NOTCH4: variants seen among roughly 807,000 people sequenced by gnomAD.
The protein encoded by NOTCH4 is notch receptor 4, also known as neurogenic locus notch homolog protein 4.
Under a neutral mutation model 189.0 loss-of-function variants are expected in NOTCH4, and 138 were observed. The ratio of observed to expected loss-of-function variants is 0.73; its 90% confidence interval spans 0.64 to 0.84. The LOEUF (loss-of-function observed/expected upper bound fraction) is 0.84, where lower values mean the gene tolerates loss of function less well. Among genes scored for constraint, NOTCH4 ranks in the 40% least tolerant of loss-of-function variants. The probability of loss-of-function intolerance (pLI) is 0.00; values close to 1 mark genes in which losing one functional copy is unlikely to be tolerated. For synonymous variants in NOTCH4, 942 were observed against 1,032.8 expected (o/e 0.91, Z 1.69); for missense variants, 2,286 against 2,605.4 (o/e 0.88, Z 2.67).
chr6:32,201,833 C>T lies in NOTCH4; in HGVS notation c.3755+243G>A. 2.4e-6 allele frequency: 1 copy of T among 416,530 alleles called. No individual in the cohort carries two copies. Among genetic ancestry groups the T allele is most frequent in the African/African-American group, 2.0e-5 (1 of 49,092 alleles). 25.8% of individuals were successfully genotyped at this position (416,530 alleles called of 1,614,324 possible). ...AAGGCTTAGGGAAGGAGGCTTGAGA[C>T]CTGAGTTCCTTCAACTCTTAGAGAG... is the stretch of plus-strand genomic sequence containing the variant. On this transcript the variant is annotated intron_variant, in intron 21 of 29. Coordinates refer to ENST00000375023, the MANE Select transcript of NOTCH4 (RefSeq NM_004557.4). The surrounding 1 kb of genome is among the most constrained non-coding windows in gnomAD (Gnocchi z 5.5).
chr6:32,195,910 A>G lies in NOTCH4; in HGVS notation c.5539T>C (p.Ser1847Pro), dbSNP rs1211078755. The G allele has an allele frequency of 3.2e-6, 5 of 1,587,230 alleles. No homozygotes were observed. Among genetic ancestry groups the G allele is most frequent in the East Asian group, 2.3e-5 (1 of 44,380 alleles). Residue 1847 changes from serine to proline, a missense_variant, in exon 30 of 30, where the codon TCA becomes CCA. Physicochemically the swap from Ser to Pro is moderately conservative, Grantham distance 74. Around this residue, in one of 2 missense-constraint regions of NOTCH4, gnomAD observed 383 missense variants for 343.5 expected, o/e 1.11. Coordinates refer to ENST00000375023, the MANE Select transcript of NOTCH4 (RefSeq NM_004557.4). This position sits in a 1 kb window ranked among gnomAD's most constrained non-coding sequence, Gnocchi z 5.4. The part of the protein sequence containing the change: ...AGPFPRARTV[S>P]VSVPPHGGGA... ...CCCCCATGCGGGGGCACGCTTACTG[A>G]CACCGTCCGTGCGCGCGGGAAGGGC...
chr6:32,205,404 C>T (rs975333591), intron 18 of NOTCH4, among the ~76,000 whole-genome samples: 7 of 151,036 alleles, frequency 4.6e-5, no homozygotes, highest in Non-Finnish European at 4.4e-5. Context: ...AAAAATTAGC[C>T]GGGCATGGTG....
At chr6:32,206,436 G>A (rs1474617956) in intron 18 of NOTCH4, among the ~76,000 whole-genome samples, 3 of 151,912 alleles carry the variant, frequency 2.0e-5, no homozygotes, top group African/African-American at 7.3e-5. Flanking sequence ...AATCAAGAAA[G>A]CAATCCCATT....
rs762361820 is a variant in NOTCH4, at chr6:32,201,338, T to G, written c.3918A>C (p.Pro1306=). The change falls in exon 22 of 30, where the codon CCA becomes CCC. Residue 1306 remains proline, a synonymous_variant. Transcript: ENST00000375023. This position sits in a 1 kb window ranked among gnomAD's most constrained non-coding sequence, Gnocchi z 5.5. The stretch of plus-strand genomic sequence containing the variant: ...GGGCAAACAGCTGCTGGTCTAGGGC[T>G]GGGGGGCTCAGTACCACCAGCAGGG... ...SLALLVVLSP[P]ALDQQLFALA... 6.2e-7 allele frequency: 1 copy of G among 1,611,474 alleles called. No homozygotes were observed. The highest frequency in any genetic ancestry group is 1.7e-5 in the Admixed American group (1 of 59,846).
chr6:32,223,092 G>C lies in NOTCH4; in HGVS notation c.74-6C>G. The C allele has an allele frequency of 6.2e-7, 1 of 1,612,946 alleles. No individual in the cohort carries two copies. The highest frequency in any genetic ancestry group is 8.5e-7 in the Non-Finnish European group (1 of 1,179,048). On this transcript the variant is annotated splice_region_variant and splice_polypyrimidine_tract_variant and intron_variant, in intron 1 of 29. Coordinates refer to ENST00000375023, the MANE Select transcript of NOTCH4 (RefSeq NM_004557.4). ...GAAACTCCCACACAGCAGCCCTGAG[G>C]GTGGAGAGGCAGGCGCAATGGAAGC...
chr6:32,216,936 C>T lies in NOTCH4; in HGVS notation c.1861+9G>A. The T allele has an allele frequency of 1.9e-6, 3 of 1,613,064 alleles. No homozygotes were observed. Among genetic ancestry groups the T allele is most frequent in the Non-Finnish European group, 2.5e-6 (3 of 1,179,992 alleles). ...TCTGCCAGTTCTTTCCAGTGCCTCC[C>T]CTGTGAACCTGTGAAACCAGAGGGG... On this transcript the variant is annotated intron_variant, in intron 11 of 29. Transcript: ENST00000375023.
At chr6:32,207,054 T>C (rs1428870235) in intron 18 of NOTCH4, among the ~76,000 whole-genome samples, 1 of 151,532 alleles carries the variant, frequency 6.6e-6, no homozygotes, top group Admixed American at 6.6e-5. Flanking sequence ...CTCAGCCTCC[T>C]GAGTAGCTGG....
rs754108388 is a variant in NOTCH4, at chr6:32,196,907, A to C, written c.5200+18T>G. On this transcript the variant is annotated intron_variant, in intron 28 of 29. Transcript: ENST00000375023. Reference sequence around the variant, plus strand: ...GCTCAACTTCTCTATAGCATACATCACCCCTTCCTCTACATACCCCATTTA... The same window carrying C: ...GCTCAACTTCTCTATAGCATACATCCCCCCTTCCTCTACATACCCCATTTA... 1.2e-5 allele frequency: 20 copies of C among 1,611,608 alleles called. No homozygotes were observed. The Admixed American group carries it at 3.3e-4, about 27-fold the overall frequency.
In NOTCH4 at chr6:32,195,731, T is replaced by G; in HGVS notation, c.5718A>C (p.Gly1906=). The part of the protein sequence containing the change: ...HCRSLSGVGA[G]GGPTPRGRRF... ...TACGGCCGCGAGGGGTCGGGCCTCCTCCTGCTCCTACTCCCGAGAGGCTCC... is the reference window on the plus strand; with the variant it reads ...TACGGCCGCGAGGGGTCGGGCCTCCGCCTGCTCCTACTCCCGAGAGGCTCC... Residue 1906 remains glycine, a synonymous_variant, in exon 30 of 30, where the codon GGA becomes GGC. Transcript: ENST00000375023. The surrounding 1 kb of genome is among the most constrained non-coding windows in gnomAD (Gnocchi z 5.4). The G allele has an allele frequency of 6.2e-7, 1 of 1,612,678 alleles. No homozygotes were observed. Among genetic ancestry groups the G allele is most frequent in the Non-Finnish European group, 8.5e-7 (1 of 1,179,902 alleles).
chr6:32,197,644 GA>G, intron 26 of NOTCH4, 50 bp from the exon 27 acceptor site: 1 of 1,495,488 alleles, frequency 6.7e-7, no homozygotes, highest in South Asian at 1.3e-5. Flanking sequence ...CAACAAGGGG[GA>G]AGGGACAACA....
Position 32,214,273 on chromosome 6 carries a change from G to C in NOTCH4, c.2022-18C>G, listed in dbSNP as rs1014888460. ...ATGAGGATCTGGTTGTAAAGAGAAA[G>C]GGGAGGGTTTTTCTCTTCTCCTACT... On this transcript the variant is annotated intron_variant, in intron 12 of 29. Transcript: ENST00000375023. 3.1e-6 allele frequency: 5 copies of C among 1,611,218 alleles called. No individual in the cohort carries two copies. The highest frequency in any genetic ancestry group is 3.4e-6 in the Non-Finnish European group (4 of 1,178,950).
chr6:32,210,709 C>G lies in NOTCH4; in HGVS notation c.2865+43G>C. On this transcript the variant is annotated intron_variant, in intron 18 of 29. Coordinates refer to ENST00000375023, the MANE Select transcript of NOTCH4 (RefSeq NM_004557.4). The surrounding 1 kb of genome is among the most constrained non-coding windows in gnomAD (Gnocchi z 4.8). ...GTCACTACTGTCTCTCCCATCCAGC[C>G]CACCCTTGTCTTTCCTCCCCCTTCT... The G allele has an allele frequency of 6.3e-7, 1 of 1,590,584 alleles. No individual in the cohort carries two copies. Among genetic ancestry groups the G allele is most frequent in the Non-Finnish European group, 8.6e-7 (1 of 1,161,554 alleles).
At chr6:32,213,062 AG>A in intron 15 of NOTCH4, 72 bp downstream of exon 15, 2 of 1,174,354 alleles carry the variant, frequency 1.7e-6, no homozygotes, top group Non-Finnish European at 1.3e-6. Flanking sequence ...CCTGGAACCC[AG>A]GGGGAGATGA....
chr6:32,214,626 A>G (rs1789286797), intron 12 of NOTCH4, among the ~76,000 whole-genome samples: 1 of 121,518 alleles, frequency 8.2e-6, no homozygotes, highest in Non-Finnish European at 1.7e-5. Flanking sequence ...GTAGGTGCTC[A>G]GCAGATTTTT....
At chr6:32,203,549 G>T (rs1450511755) in intron 20 of NOTCH4, 15 of 537,644 alleles carry the variant, frequency 2.8e-5, no homozygotes, top group Non-Finnish European at 3.9e-5. Context: ...CTTCCCTTAG[G>T]CAACGCCTGT....
intron 18 of NOTCH4, among the ~76,000 whole-genome samples, chr6:32,209,044 T>C (rs543790844): frequency 2.0e-5 from 3 of 152,224 alleles, no homozygotes; most frequent in Admixed American, 6.5e-5. Flanking sequence ...CTGTGTCATA[T>C]AGACACAATG....
At chr6:32,208,088 C>T (rs1459364260) in intron 18 of NOTCH4, among the ~76,000 whole-genome samples, 2 of 151,290 alleles carry the variant, frequency 1.3e-5, no homozygotes, top group African/African-American at 4.9e-5. Flanking sequence ...ACCTCAACAG[C>T]CAGGCAACAA....
intron 27 of NOTCH4, 79 bp from the exon 28 acceptor site, chr6:32,197,151 G>A (rs1194024472): frequency 4.5e-6 from 7 of 1,548,792 alleles, no homozygotes; most frequent in South Asian, 1.2e-5. Context: ...AACCCCACTC[G>A]CAATCCATAT....
At chr6:32,205,025 C>T (rs1788586347) in intron 18 of NOTCH4, among the ~76,000 whole-genome samples, 1 of 152,280 alleles carries the variant, frequency 6.6e-6, no homozygotes, top group South Asian at 2.1e-4. Flanking sequence ...AACCAATGCT[C>T]TTAACCATTT....
Sources: allele counts gnomAD v4.1 joint callset (sites outside exome capture counted in the v4.1 genomes callset), GRCh38; gene constraint gnomAD v4.1.1; regional missense constraint gnomAD v4.1.1; non-coding constraint Gnocchi (gnomAD v3.1); transcripts MANE v1.5; gene names NCBI Gene and HGNC (gene_info 2026-07-23, HGNC 2026-07-21).